Variants in RAD54L2 observed in about 807,000 individuals in gnomAD.
RAD54L2 encodes the protein RAD54 like 2.
In RAD54L2, 27 loss-of-function variants were observed where a neutral mutation model predicts 138.4. The ratio of observed to expected loss-of-function variants is 0.20; its 90% confidence interval spans 0.14 to 0.27. The LOEUF is 0.27. Among genes scored for constraint, RAD54L2 ranks in the 10% least tolerant of loss-of-function variants. The pLI, the probability that RAD54L2 is intolerant of heterozygous loss-of-function variation, is 1.00. For missense variants in RAD54L2, 1,396 were observed against 1,890.2 expected (o/e 0.74, Z 4.85); for synonymous variants, 644 against 723.2 (o/e 0.89, Z 1.76).
intron 2 of RAD54L2, among the ~76,000 whole-genome samples, chr3:51,542,815 A>G (rs887990743): frequency 7.9e-5 from 12 of 152,166 alleles, no homozygotes; most frequent in Non-Finnish European, 1.5e-4. Context: ...ATAAAGTCCA[A>G]GGTCATTCCT....
Position 51,646,477 on chromosome 3 carries a change from A to T in RAD54L2, c.3022A>T (p.Asn1008Tyr), listed in dbSNP as rs780672768. The T allele has an allele frequency of 2.5e-6, 4 of 1,605,622 alleles. No individual in the cohort carries two copies. In the South Asian group the frequency reaches 4.4e-5, roughly 18 times the overall value. Residue 1008 changes from asparagine (N) to tyrosine (Y), a missense_variant, in exon 19 of 23, where the codon AAC (asparagine) becomes TAC (tyrosine). Physicochemically the swap from Asn to Tyr is moderately radical, Grantham distance 143. Coordinates refer to ENST00000684192, the MANE Select transcript of RAD54L2 (RefSeq NM_015106.4). ...CAGCATCCCCGCCTTCAGCCAGAGA[A>T]ACTGGTGAGTTGCTGAAAGGGGAGG... is the stretch of plus-strand genomic sequence containing the variant. ...LTSIPAFSQR[N>Y]WQPTLKGDEK... is the part of the protein sequence containing the mutation.
rs377506656 is a variant in RAD54L2 at position 51,579,320 on chromosome 3, A to G, written c.-54-11047A>G. On this transcript the variant is annotated intron_variant, in intron 2 of 22. Transcript: ENST00000684192. ...GGCCATGGGTGGTTTTGGAAAAGGAAAACATTTGAGTGGGAAAACAGATGT... is the reference window on the plus strand; with the variant it reads ...GGCCATGGGTGGTTTTGGAAAAGGAGAACATTTGAGTGGGAAAACAGATGT... Among the ~76,000 whole-genome samples the G allele has an allele frequency of 1.1e-4, 16 of 152,078 alleles. No individual in the cohort carries two copies. The South Asian group carries it at 3.3e-3, about 32-fold the overall frequency.
chr3:51,630,433 A>C, intron 6 of RAD54L2, 45 bp downstream of exon 6: 1 of 1,535,600 alleles, frequency 6.5e-7, no homozygotes, highest in African/African-American at 1.4e-5. Flanking sequence ...CCTGGTGTTC[A>C]TGCTGAGATC....
At chr3:51,653,090 T>G (rs1025969564) in intron 19 of RAD54L2, among the ~76,000 whole-genome samples, 3 of 151,602 alleles carry the variant, frequency 2.0e-5, no homozygotes, top group Non-Finnish European at 2.9e-5. Context: ...CAAGAAAAAA[T>G]CAAACAACCC....
intron 2 of RAD54L2, among the ~76,000 whole-genome samples, chr3:51,568,834 A>T (rs995917435): frequency 6.6e-6 from 1 of 152,102 alleles, no homozygotes; most frequent in Non-Finnish European, 1.5e-5. Flanking sequence ...TGTATTAGGG[A>T]TATAATTTTA....
rs1700815623 is a variant in RAD54L2 at position 51,630,707 on chromosome 3, G to A, written c.601G>A (p.Val201Met). The A allele has an allele frequency of 3.1e-6, 5 of 1,613,440 alleles. No homozygotes were observed. The highest frequency in any genetic ancestry group is 4.2e-6 in the Non-Finnish European group (5 of 1,179,568). The change falls in exon 7 of 23, where the codon GTG becomes ATG. Residue 201 changes from valine (V) to methionine (M), a missense_variant and splice_region_variant. Transcript: ENST00000684192. Reference sequence around the variant, plus strand: ...TTTGCTTTTTTTTGCTGTCTCAGAGGTGATTGAACTGAGCTCTGGAGAGGA... The same window carrying A: ...TTTGCTTTTTTTTGCTGTCTCAGAGATGATTGAACTGAGCTCTGGAGAGGA... ...SEDEKSSRDE[V>M]IELSSGEEDT...
chr3:51,642,427 G>A (rs1701162948), intron 15 of RAD54L2, among the ~76,000 whole-genome samples: 2 of 149,764 alleles, frequency 1.3e-5, no homozygotes, highest in African/African-American at 2.5e-5. Flanking sequence ...CAGTTTATCT[G>A]TGGTATTAAA....
intron 2 of RAD54L2, among the ~76,000 whole-genome samples, chr3:51,572,357 G>A (rs1029532953): frequency 5.9e-5 from 9 of 151,852 alleles, no homozygotes; most frequent in African/African-American, 1.7e-4. Context: ...GGAGACTAAG[G>A]CAGGAAAATC....
At chr3:51,633,856 G>GA (rs1208219222) in intron 8 of RAD54L2, 46 bp from the exon 9 acceptor site, 1 of 1,607,270 alleles carries the variant, frequency 6.2e-7, no homozygotes, top group Non-Finnish European at 8.5e-7. Context: ...GCTCAGCTCT[G>GA]AGTTTGTTCC....
intron 21 of RAD54L2, among the ~76,000 whole-genome samples, chr3:51,659,271 A>G (rs1009723161): frequency 5.3e-5 from 8 of 151,582 alleles, no homozygotes; most frequent in Non-Finnish European, 1.5e-5. Context: ...ACGCCCGGCT[A>G]ATTTTTTGTA....
intron 3 of RAD54L2, among the ~76,000 whole-genome samples, chr3:51,612,982 C>G (rs886820046): frequency 6.6e-6 from 1 of 152,050 alleles, no homozygotes; most frequent in Non-Finnish European, 1.5e-5. Flanking sequence ...CTCTGTTGCC[C>G]GGGCTGGAGT....
chr3:51,545,158 AATTT>A (rs1698654343), intron 2 of RAD54L2, among the ~76,000 whole-genome samples: 1 of 152,238 alleles, frequency 6.6e-6, no homozygotes, highest in African/African-American at 2.4e-5. Context: ...GAATTGTGCC[AATTT>A]ATTTAGTTAC....
chr3:51,645,307 C>G lies in RAD54L2; in HGVS notation c.2656+78C>G. 7.2e-7 allele frequency: 1 copy of G among 1,396,918 alleles called. No individual in the cohort carries two copies. The highest frequency in any genetic ancestry group is 1.3e-5 in the South Asian group (1 of 79,330). The allele number at this position is 1,396,918 out of a possible 1,614,324, so 86.5% of individuals were successfully genotyped here. ...TTTAGTATCAAGGGTGGGAGAGGAGCAGGATATGGGAACACAGGCAGGCTT... is the reference window on the plus strand; with the variant it reads ...TTTAGTATCAAGGGTGGGAGAGGAGGAGGATATGGGAACACAGGCAGGCTT... On this transcript the variant is annotated intron_variant, in intron 17 of 22. Coordinates refer to ENST00000684192, the MANE Select transcript of RAD54L2 (RefSeq NM_015106.4). This position sits in a 1 kb window ranked among gnomAD's most constrained non-coding sequence, Gnocchi z 6.1.
chr3:51,640,082 C>A, intron 14 of RAD54L2, 83 bp downstream of exon 14: 1 of 988,400 alleles, frequency 1.0e-6, no homozygotes, highest in Non-Finnish European at 1.5e-6. Flanking sequence ...CAAGACCACC[C>A]CCGCCTCCCC....
chr3:51,574,972 G>C lies in RAD54L2; in HGVS notation c.-54-15395G>C, dbSNP rs540770542. On this transcript the variant is annotated intron_variant, in intron 2 of 22. Transcript: ENST00000684192. Reference sequence around the variant, plus strand: ...CTAGGTTTTCTTCTAGGGTTTTTTTGGTTTTAGGTCTAACATTTAAGTCTT... The same window carrying C: ...CTAGGTTTTCTTCTAGGGTTTTTTTCGTTTTAGGTCTAACATTTAAGTCTT... 2.0e-5 allele frequency among the ~76,000 whole-genome samples: 3 copies of C among 152,034 alleles called. No homozygotes were observed. In the East Asian group the frequency reaches 5.8e-4, roughly 29 times the overall value.
At chr3:51,635,085 C>T (rs983983607) in intron 9 of RAD54L2, among the ~76,000 whole-genome samples, 4 of 152,200 alleles carry the variant, frequency 2.6e-5, no homozygotes, top group African/African-American at 9.6e-5. Context: ...CAGTGAAATA[C>T]AGTGAGTGCT....
intron 20 of RAD54L2, 61 bp from the exon 21 acceptor site, chr3:51,657,519 T>A (rs950088447): frequency 5.9e-6 from 7 of 1,182,768 alleles, no homozygotes; most frequent in Admixed American, 2.0e-5. Context: ...ACTTTGCAAT[T>A]TTCCCCCCTC....
In RAD54L2 at chr3:51,645,220, G is replaced by A; in HGVS notation, c.2647G>A (p.Gly883Ser). The change falls in exon 17 of 23, where the codon GGC becomes AGC. Residue 883 changes from glycine to serine, a missense_variant. Around this residue, in one of 7 missense-constraint regions of RAD54L2, gnomAD observed 78 missense variants for 171.6 expected, o/e 0.45. Transcript: ENST00000684192. The surrounding 1 kb of genome is among the most constrained non-coding windows in gnomAD (Gnocchi z 6.1). ...KIYDRQISKQ[G>S]MSDRVVDDLN... ...CTATGACCGTCAGATTTCCAAGCAGGGCATGTCAGGTGGGCCATCTTCCAG... is the reference window on the plus strand; with the variant it reads ...CTATGACCGTCAGATTTCCAAGCAGAGCATGTCAGGTGGGCCATCTTCCAG... 2.5e-6 allele frequency: 4 copies of A among 1,611,396 alleles called. No individual in the cohort carries two copies. In the South Asian group the frequency reaches 3.3e-5, roughly 13 times the overall value.
At chr3:51,558,122 A>C (rs1463928495) in intron 2 of RAD54L2, among the ~76,000 whole-genome samples, 4 of 152,094 alleles carry the variant, frequency 2.6e-5, no homozygotes, top group Admixed American at 1.3e-4. Context: ...CTGGGATTAC[A>C]GGTGTGAGCC....
Sources: allele counts gnomAD v4.1 joint callset (sites outside exome capture counted in the v4.1 genomes callset), GRCh38; gene constraint gnomAD v4.1.1; regional missense constraint gnomAD v4.1.1; non-coding constraint Gnocchi (gnomAD v3.1); transcripts MANE v1.5; gene names NCBI Gene and HGNC (gene_info 2026-07-23, HGNC 2026-07-21).